Variants in CNTN5 observed in about 807,000 individuals in gnomAD.
CNTN5 encodes the protein contactin 5.
Under a neutral mutation model 129.1 loss-of-function variants are expected in CNTN5, and 77 were observed. The ratio of observed to expected loss-of-function variants is 0.60; its 90% confidence interval spans 0.50 to 0.72. CNTN5 has a LOEUF of 0.72. Among genes scored for constraint, CNTN5 ranks in the 30% least tolerant of loss-of-function variants. CNTN5 has a pLI of 0.00. For synonymous variants in CNTN5, 509 were observed against 465.6 expected, an observed-to-expected ratio of 1.09 and a Z score of -1.20; for missense variants, 1,478 against 1,328.8, an observed-to-expected ratio of 1.11 and a Z score of -1.75.
chr11:99,336,285 G>T (rs771643564), intron 2 of CNTN5, among the ~76,000 whole-genome samples: 1 of 152,204 alleles, frequency 6.6e-6, no homozygotes, highest in East Asian at 1.9e-4. Flanking sequence ...CAACCTAAGG[G>T]TATAATTTGT....
chr11:99,608,684 T>A (rs1454228503), intron 3 of CNTN5, among the ~76,000 whole-genome samples: 1 of 152,180 alleles, frequency 6.6e-6, no homozygotes, highest in Non-Finnish European at 1.5e-5. Flanking sequence ...AACTGTGAGA[T>A]GCTAAACTTG....
chr11:99,665,719 T>C (rs1328656489), intron 3 of CNTN5, among the ~76,000 whole-genome samples: 3 of 151,994 alleles, frequency 2.0e-5, no homozygotes, highest in Non-Finnish European at 2.9e-5. Context: ...ATTTGTGACC[T>C]CAAGTGATCA....
chr11:100,190,521 T>A (rs1245592690), intron 13 of CNTN5, among the ~76,000 whole-genome samples: 1 of 152,130 alleles, frequency 6.6e-6, no homozygotes, highest in Non-Finnish European at 1.5e-5. Flanking sequence ...GGTCCAGTTT[T>A]AACAAAGGTC....
intron 13 of CNTN5, among the ~76,000 whole-genome samples, chr11:100,167,796 A>C (rs946733035): frequency 1.3e-5 from 2 of 151,962 alleles, no homozygotes; most frequent in Admixed American, 6.6e-5. Flanking sequence ...AGAAGTGATT[A>C]AACTTGTTGA....
intron 2 of CNTN5, among the ~76,000 whole-genome samples, chr11:99,378,041 C>T (rs144451353): frequency 6.6e-6 from 1 of 152,052 alleles, no homozygotes; most frequent in African/African-American, 2.4e-5. Context: ...GGTGTATAAT[C>T]AACCTAATTA....
At chr11:99,839,459 T>A (rs1256011096) in intron 4 of CNTN5, among the ~76,000 whole-genome samples, 3 of 151,984 alleles carry the variant, frequency 2.0e-5, no homozygotes, top group Non-Finnish European at 4.4e-5. Flanking sequence ...GGGAGGACCA[T>A]TGAAGTTGAG....
chr11:99,752,508 G>A (rs1369406144), intron 3 of CNTN5, among the ~76,000 whole-genome samples: 1 of 152,118 alleles, frequency 6.6e-6, no homozygotes, highest in African/African-American at 2.4e-5. Context: ...TATTTAAAGA[G>A]GAAAATAAGT....
intron 1 of CNTN5, among the ~76,000 whole-genome samples, chr11:99,085,320 C>G (rs886156536): frequency 6.6e-6 from 1 of 152,154 alleles, no homozygotes; most frequent in Non-Finnish European, 1.5e-5. Context: ...GCTGGGATTA[C>G]AGGTGTGAGC....
chr11:99,924,002 C>G (rs1469161572), intron 7 of CNTN5, among the ~76,000 whole-genome samples: 1 of 152,072 alleles, frequency 6.6e-6, no homozygotes, highest in Non-Finnish European at 1.5e-5. Context: ...ATGTTGGCCA[C>G]GATGGCCTCA....
chr11:99,902,744 C>T (rs1407153627), intron 6 of CNTN5, among the ~76,000 whole-genome samples: 1 of 152,064 alleles, frequency 6.6e-6, no homozygotes, highest in Non-Finnish European at 1.5e-5. Context: ...AATGTGCAGA[C>T]AATAAACTGA....
chr11:99,797,153 C>T (rs908844216), intron 3 of CNTN5, among the ~76,000 whole-genome samples: 2 of 152,126 alleles, frequency 1.3e-5, no homozygotes, highest in Non-Finnish European at 2.9e-5. Flanking sequence ...AATCCACCAT[C>T]GATGTGCAGT....
intron 6 of CNTN5, among the ~76,000 whole-genome samples, chr11:99,860,669 G>T (rs111837955): frequency 7.2e-5 from 11 of 152,120 alleles, no homozygotes; most frequent in African/African-American, 2.6e-4. Flanking sequence ...GTCTGATTTT[G>T]TACCAGTACC....
intron 9 of CNTN5, among the ~76,000 whole-genome samples, chr11:100,042,466 G>C (rs1376117004): frequency 6.6e-6 from 1 of 152,226 alleles, no homozygotes; most frequent in East Asian, 1.9e-4. Flanking sequence ...CTTATGCAAG[G>C]AAAATAGGAA....
At chr11:99,165,020 A>AT (rs916776813) in intron 1 of CNTN5, among the ~76,000 whole-genome samples, 42 of 151,618 alleles carry the variant, frequency 2.8e-4, no homozygotes, top group African/African-American at 4.4e-4. Flanking sequence ...AATTTCTTCA[A>AT]TTTTTTTTTA....
At chr11:99,084,784 C>T (rs1396103241) in intron 1 of CNTN5, among the ~76,000 whole-genome samples, 1 of 152,136 alleles carries the variant, frequency 6.6e-6, no homozygotes, top group Non-Finnish European at 1.5e-5. Context: ...TGAAAAGCCT[C>T]ATAACTTTAT....
intron 9 of CNTN5, among the ~76,000 whole-genome samples, chr11:100,019,403 T>C (rs1174453668): frequency 2.0e-5 from 3 of 151,984 alleles, no homozygotes; most frequent in Non-Finnish European, 4.4e-5. Flanking sequence ...TTATATGAGT[T>C]TGACATTTTT....
chr11:99,187,376 A>G (rs1006780316), intron 1 of CNTN5, among the ~76,000 whole-genome samples: 1 of 151,906 alleles, frequency 6.6e-6, no homozygotes, highest in East Asian at 1.9e-4. Flanking sequence ...AGTCGGATAC[A>G]TGTTATTTTA....
intron 13 of CNTN5, among the ~76,000 whole-genome samples, chr11:100,127,097 T>A (rs1355351743): frequency 4.2e-5 from 1 of 23,626 alleles, no homozygotes; most frequent in Non-Finnish European, 1.4e-4. Flanking sequence ...CGCAGCTAAT[T>A]TTTTTTTTTT....
At chr11:100,136,782 C>T (rs551463857) in intron 13 of CNTN5, among the ~76,000 whole-genome samples, 1 of 77,846 alleles carries the variant, frequency 1.3e-5, no homozygotes, top group East Asian at 5.2e-4. Flanking sequence ...CTGGTTTCCA[C>T]ATTGTTAAAA....
Sources: gnomAD v4.1 joint callset for allele counts (sites outside exome capture counted in the v4.1 genomes callset) on GRCh38, gnomAD v4.1.1 for gene constraint, MANE v1.5 for transcripts, NCBI Gene and HGNC (gene_info 2026-07-23, HGNC 2026-07-21) for gene names.